DLEC1: variants seen among roughly 807,000 people sequenced by gnomAD.
DLEC1 encodes DLEC1 cilia and flagella associated protein, also known as deleted in lung and esophageal cancer protein 1.
A neutral mutation model predicts 198.1 loss-of-function variants in DLEC1; 146 were observed. That is an observed-to-expected ratio of 0.74 (90% CI 0.64 to 0.85). The LOEUF (loss-of-function observed/expected upper bound fraction) is 0.85. DLEC1 is among the 40% of genes least tolerant of loss of function. The pLI is 0.00. For missense variants in DLEC1, 2,233 were observed against 2,220.0 expected (o/e 1.01, Z -0.12); for synonymous variants, 897 against 866.8 (o/e 1.03, Z -0.61).
chr3:38,093,104 G>C (rs1034430335), intron 11 of DLEC1, among the ~76,000 whole-genome samples: 2 of 152,226 alleles, frequency 1.3e-5, no homozygotes, highest in African/African-American at 4.8e-5. Context: ...AGTCCAAGGA[G>C]CCTTCTAGCA....
chr3:38,084,102 T>C, intron 6 of DLEC1, 56 bp from the exon 7 acceptor site: 1 of 1,513,202 alleles, frequency 6.6e-7, no homozygotes. Context: ...CTGGACATCG[T>C]ATCATTTCGT....
chr3:38,073,139 A>G (rs1403343031), intron 6 of DLEC1, among the ~76,000 whole-genome samples: 1 of 152,214 alleles, frequency 6.6e-6, no homozygotes, highest in Non-Finnish European at 1.5e-5. Context: ...GAATAGTGAA[A>G]AAAGCATCTT....
intron 6 of DLEC1, among the ~76,000 whole-genome samples, chr3:38,067,417 A>G (rs1021714036): frequency 6.6e-6 from 1 of 152,268 alleles, no homozygotes; most frequent in Admixed American, 6.5e-5. Context: ...GAGATTTTGC[A>G]GTTAATATTG....
chr3:38,094,841 A>T, intron 12 of DLEC1, 38 bp from the exon 13 acceptor site: 1 of 1,602,470 alleles, frequency 6.2e-7, no homozygotes, highest in Non-Finnish European at 8.5e-7. Context: ...TGGTCCCAGC[A>T]GAACTGGGAC....
At chr3:38,102,998 T>C (rs1699382275) in intron 19 of DLEC1, 1 of 152,210 alleles carries the variant, frequency 6.6e-6, no homozygotes, top group Admixed American at 6.5e-5. Flanking sequence ...ATTTTTATTA[T>C]TTGTACAAAT....
chr3:38,039,766 C>A, intron 1 of DLEC1, 130 bp downstream of exon 1: 2 of 1,248,348 alleles, frequency 1.6e-6, no homozygotes, highest in Non-Finnish European at 2.2e-6. Context: ...CCCATCATGC[C>A]GAAGTGGGCC....
In DLEC1 at chr3:38,093,634, A is replaced by T; in HGVS notation, c.1786A>T (p.Ile596Phe). 5.6e-6 allele frequency: 9 copies of T among 1,614,164 alleles called. No individual in the cohort carries two copies. The highest frequency in any genetic ancestry group is 7.6e-6 in the Non-Finnish European group (9 of 1,180,030). ...GIGQLIALDL[I>F]YISGEKSQPD... The stretch of plus-strand genomic sequence containing the variant: ...TGGGCAGCTGATTGCTTTGGATCTG[A>T]TCTATATTTCTGGTGAAAAAAGCCA... The change falls in exon 12 of 37, where the codon ATC (isoleucine) becomes TTC (phenylalanine). Residue 596 changes from isoleucine to phenylalanine, a missense_variant. Physicochemically the swap from Ile to Phe is conservative, Grantham distance 21 (BLOSUM62 0). Coordinates refer to ENST00000308059, the MANE Select transcript of DLEC1 (RefSeq NM_007335.4).
At position 38,045,670 on chromosome 3, in the gene DLEC1, A is replaced by G. The variant is rs1292692610; in HGVS notation, c.539A>G (p.Glu180Gly). 2 of 1,613,534 alleles carry G rather than the reference A, an allele frequency of 1.2e-6. No individual in the cohort carries two copies. Among genetic ancestry groups the G allele is most frequent in the East Asian group, 4.5e-5 (2 of 44,838 alleles). ...AGCCAGGCTGGAGTACAGGACCTCG[A>G]GAGCCTTGTCAGGTTGCCTCCAGGT... ...VMSQAGVQDL[E>G]SLVRLPPVKS... Residue 180 changes from glutamate (E) to glycine (G), a missense_variant, in exon 2 of 37, where the codon GAG (glutamate) becomes GGG (glycine). Physicochemically the swap from Glu to Gly is moderately conservative, Grantham distance 98 (BLOSUM62 -2). Coordinates refer to ENST00000308059, the MANE Select transcript of DLEC1 (RefSeq NM_007335.4).
At position 38,062,617 on chromosome 3, in the gene DLEC1, C is replaced by A; in HGVS notation, c.910C>A (p.His304Asn). ...ACCAAGGAATAAAAACTGGATGAAC[C>A]ACTTACGTGTGCCACAGAGAGAGCT... ...SQPRNKNWMN[H>N]LRVPQRELDR... The change falls in exon 5 of 37, where the codon CAC becomes AAC. Residue 304 changes from histidine to asparagine, a missense_variant. By Grantham distance (68) the His-to-Asn change is moderately conservative (BLOSUM62 1). Coordinates refer to ENST00000308059, the MANE Select transcript of DLEC1 (RefSeq NM_007335.4). 1 of 1,614,112 alleles carries A rather than the reference C, an allele frequency of 6.2e-7. No individual in the cohort carries two copies. The highest frequency in any genetic ancestry group is 8.5e-7 in the Non-Finnish European group (1 of 1,180,026).
At chr3:38,082,932 A>C (rs562884822) in intron 6 of DLEC1, among the ~76,000 whole-genome samples, 1 of 152,278 alleles carries the variant, frequency 6.6e-6, no homozygotes, top group Admixed American at 6.5e-5. Flanking sequence ...CCAGTCCGTG[A>C]CCGGCGCCGG....
At chr3:38,122,246 G>A in intron 36 of DLEC1, 43 bp from the exon 37 acceptor site, 3 of 1,608,222 alleles carry the variant, frequency 1.9e-6, no homozygotes, top group Non-Finnish European at 8.5e-7. Context: ...TGGACCCCCT[G>A]CCCAGGTGCC....
chr3:38,104,611 C>G lies in DLEC1; in HGVS notation c.2865-2973C>G, dbSNP rs1699475247. On this transcript the variant is annotated intron_variant, in intron 19 of 36. Coordinates refer to ENST00000308059, the MANE Select transcript of DLEC1 (RefSeq NM_007335.4). Reference sequence around the variant, plus strand: ...TATTCTCTGATAATTATTTTTATTTCTGTATGATCAGTAGTGATGTCCCCA... The same window carrying G: ...TATTCTCTGATAATTATTTTTATTTGTGTATGATCAGTAGTGATGTCCCCA... Among the ~76,000 whole-genome samples the G allele has an allele frequency of 6.6e-5, 10 of 150,934 alleles. No homozygotes were observed. In the South Asian group the frequency reaches 2.1e-3, roughly 31 times the overall value.
intron 21 of DLEC1, among the ~76,000 whole-genome samples, 184 bp from the exon 22 acceptor site, chr3:38,109,248 G>A (rs755964641): frequency 8.5e-5 from 13 of 152,346 alleles, no homozygotes; most frequent in East Asian, 5.8e-4. Flanking sequence ...CATAAGGCCT[G>A]AGGAAAGGGC....
Position 38,097,607 on chromosome 3 carries a change from A to G in DLEC1, c.2535A>G (p.Pro845=). The G allele has an allele frequency of 6.2e-7, 1 of 1,614,178 alleles. No individual in the cohort carries two copies. The highest frequency in any genetic ancestry group is 8.5e-7 in the Non-Finnish European group (1 of 1,180,020). The part of the protein sequence containing the change: ...LLCEIEDSPS[P]VVLHIEAVFK... ...GTGAAATCGAAGACTCGCCCTCGCC[A>G]GTGGTGTTACACATTGAGGCTGTCT... is the stretch of plus-strand genomic sequence containing the variant. Residue 845 remains proline (P), a synonymous_variant, in exon 17 of 37, where the codon CCA becomes CCG. Transcript: ENST00000308059.
chr3:38,079,131 G>A (rs1052087697), intron 6 of DLEC1, among the ~76,000 whole-genome samples: 2 of 152,122 alleles, frequency 1.3e-5, no homozygotes, highest in Admixed American at 6.5e-5. Flanking sequence ...TAAGGTGGGG[G>A]AATACAAGAG....
chr3:38,084,015 C>T, intron 6 of DLEC1, 143 bp from the exon 7 acceptor site: 1 of 665,438 alleles, frequency 1.5e-6, no homozygotes, highest in Non-Finnish European at 2.5e-6. Context: ...ACCCCTCAGC[C>T]AGCTTCGACA....
chr3:38,085,202 G>A, intron 7 of DLEC1, 72 bp from the exon 8 acceptor site: 1 of 1,553,928 alleles, frequency 6.4e-7, no homozygotes, highest in South Asian at 1.1e-5. Context: ...GCTGGGGTCT[G>A]TACCAGCTGA....
At chr3:38,099,877 A>T (rs2125703372) in intron 18 of DLEC1, among the ~76,000 whole-genome samples, 1 of 152,198 alleles carries the variant, frequency 6.6e-6, no homozygotes, top group South Asian at 2.1e-4. Context: ...AAATCTGGCC[A>T]CAATAGACTC....
chr3:38,049,007 A>G (rs140091689), intron 2 of DLEC1, among the ~76,000 whole-genome samples: 2 of 152,174 alleles, frequency 1.3e-5, no homozygotes, highest in African/African-American at 4.8e-5. Flanking sequence ...CCTGGGAGTC[A>G]GCTACTGTCC....
Sources: allele counts gnomAD v4.1 joint callset (sites outside exome capture counted in the v4.1 genomes callset), GRCh38; gene constraint gnomAD v4.1.1; transcripts MANE v1.5; gene names NCBI Gene and HGNC (gene_info 2026-07-23, HGNC 2026-07-21).